The following FANK1 variants were observed in gnomAD, a reference collection of about 807,000 sequenced individuals.
The protein encoded by FANK1 is fibronectin type III and ankyrin repeat domains 1.
A neutral mutation model predicts 45.3 loss-of-function variants in FANK1; 44 were observed. That is an observed-to-expected ratio of 0.97 (90% CI 0.76 to 1.25). FANK1 has a LOEUF of 1.25. Among genes scored for constraint, FANK1 ranks in the 50% most tolerant of loss-of-function variants. FANK1 has a pLI of 0.00. For missense variants in FANK1, 391 were observed against 424.4 expected (o/e 0.92, Z 0.69); for synonymous variants, 149 against 152.5 (o/e 0.98, Z 0.17).
intron 1 of FANK1, among the ~76,000 whole-genome samples, chr10:125,977,922 A>G (rs1950953771): frequency 6.6e-6 from 1 of 152,158 alleles, no homozygotes; most frequent in Non-Finnish European, 1.5e-5. Context: ...CTGCTGAGAT[A>G]GTGGCAGAGA....
chr10:125,979,992 G>GT, intron 1 of FANK1, 169 bp from the exon 2 acceptor site: 1 of 682,602 alleles, frequency 1.5e-6, no homozygotes. Flanking sequence ...GCTGAATTTT[G>GT]TATCTCTTTA....
At chr10:125,921,894 C>T (rs1429753241) in intron 1 of FANK1, among the ~76,000 whole-genome samples, 1 of 152,120 alleles carries the variant, frequency 6.6e-6, no homozygotes, top group Non-Finnish European at 1.5e-5. Flanking sequence ...TTCCACCTTC[C>T]ACCACCCCTG....
At chr10:125,962,767 AT>A (rs1949999763) in intron 1 of FANK1, among the ~76,000 whole-genome samples, 1 of 151,376 alleles carries the variant, frequency 6.6e-6, no homozygotes, top group Non-Finnish European at 1.5e-5. Flanking sequence ...ATTTCTCTTG[AT>A]TTTTTTCTTT....
chr10:125,946,035 G>A (rs1482341084), intron 1 of FANK1, among the ~76,000 whole-genome samples: 5 of 152,074 alleles, frequency 3.3e-5, no homozygotes, highest in Non-Finnish European at 7.4e-5. Context: ...CAACAGACCT[G>A]CAGCTGAGGG....
chr10:125,957,851 C>T (rs556989364), intron 1 of FANK1, among the ~76,000 whole-genome samples: 2 of 152,118 alleles, frequency 1.3e-5, no homozygotes, highest in East Asian at 1.9e-4. Context: ...AAGATAATGT[C>T]ACTAGGTAAA....
chr10:125,946,593 A>G (rs1948818226), intron 1 of FANK1, among the ~76,000 whole-genome samples: 1 of 151,276 alleles, frequency 6.6e-6, no homozygotes, highest in South Asian at 2.1e-4. Context: ...AGCCTCCAAG[A>G]AATATGGGAC....
chr10:125,942,738 T>C (rs12241650), intron 1 of FANK1, among the ~76,000 whole-genome samples: 2,908 of 152,216 alleles, frequency 0.019, 117 homozygotes, highest in African/African-American at 0.066. Context: ...TCTACAAGCT[T>C]ATTTGCTACT....
rs531461532 is a variant in FANK1 at position 125,899,495 on chromosome 10, G to C, written c.13+2840G>C. ...CAAAGTGCTAAGATTACAGGCGTGAGCCAGCACACCCAGCCTGGAAATTCT... is the reference window on the plus strand; with the variant it reads ...CAAAGTGCTAAGATTACAGGCGTGACCCAGCACACCCAGCCTGGAAATTCT... On this transcript the variant is annotated intron_variant, in intron 1 of 10. Coordinates refer to ENST00000368693, the MANE Select transcript of FANK1 (RefSeq NM_145235.5). 4.8e-3 allele frequency among the ~76,000 whole-genome samples: 724 copies of C among 152,386 alleles called. 3 individuals are homozygous for C. Among genetic ancestry groups the C allele is most frequent in the African/African-American group, 0.016 (658 of 41,594 alleles).
intron 1 of FANK1, among the ~76,000 whole-genome samples, chr10:125,925,267 A>T (rs1947266127): frequency 3.9e-5 from 6 of 152,288 alleles, no homozygotes; most frequent in Admixed American, 3.9e-4. Context: ...GGTGCATATG[A>T]TTCAAAAAAT....
chr10:125,915,911 C>G (rs1021269899), intron 1 of FANK1, among the ~76,000 whole-genome samples: 4 of 152,178 alleles, frequency 2.6e-5, no homozygotes, highest in Admixed American at 6.5e-5. Flanking sequence ...TTTCAAACTG[C>G]AGGTTGCTGT....
At chr10:125,968,536 GT>G (rs532153661) in intron 1 of FANK1, among the ~76,000 whole-genome samples, 2 of 151,786 alleles carry the variant, frequency 1.3e-5, no homozygotes, top group South Asian at 2.1e-4. Flanking sequence ...ATTTATATTT[GT>G]TTTTTTTCTT....
intron 1 of FANK1, among the ~76,000 whole-genome samples, chr10:125,959,979 C>T (rs1949818657): frequency 6.6e-6 from 1 of 152,120 alleles, no homozygotes; most frequent in East Asian, 1.9e-4. Flanking sequence ...AAAACCCATA[C>T]TGTTATTATT....
intron 1 of FANK1, among the ~76,000 whole-genome samples, chr10:125,907,183 C>CTTATTGTGATAGGCTTGCTTT (rs1289939044): frequency 1.3e-5 from 2 of 152,154 alleles, no homozygotes; most frequent in Non-Finnish European, 2.9e-5. Flanking sequence ...TCTAAATTGT[C>CTTATTGTGATAGGCTTGCTTT]TTATTGTGAT....
chr10:125,976,503 A>G (rs1161503706), intron 1 of FANK1, among the ~76,000 whole-genome samples: 4 of 151,810 alleles, frequency 2.6e-5, no homozygotes, highest in Non-Finnish European at 5.9e-5. Flanking sequence ...GGTTTTATTC[A>G]TTTTTATTTA....
chr10:125,973,410 C>T, intron 1 of FANK1: 4 of 985,072 alleles, frequency 4.1e-6, no homozygotes, highest in Non-Finnish European at 4.8e-6. Context: ...ACACTGATGT[C>T]GTGATACAAG....
chr10:125,980,314 T>C lies in FANK1; in HGVS notation c.167T>C (p.Met56Thr), dbSNP rs759582868. 3.1e-6 allele frequency: 5 copies of C among 1,614,126 alleles called. No homozygotes were observed. The highest frequency in any genetic ancestry group is 4.2e-6 in the Non-Finnish European group (5 of 1,180,026). The change falls in exon 2 of 11, where the codon ATG becomes ACG. Residue 56 changes from methionine (M) to threonine (T), a missense_variant. By Grantham distance (81) the Met-to-Thr change is moderately conservative (BLOSUM62 -1). Coordinates refer to ENST00000368693, the MANE Select transcript of FANK1 (RefSeq NM_145235.5). ...RFSIEEEDPK[M>T]HTYGIIYTGY... ...TCGATTGAAGAAGAAGACCCCAAAATGCACACTTATGGTATCATTTATACG... is the reference window on the plus strand; with the variant it reads ...TCGATTGAAGAAGAAGACCCCAAAACGCACACTTATGGTATCATTTATACG...
chr10:125,990,989 A>G (rs889230190), intron 3 of FANK1, among the ~76,000 whole-genome samples: 3 of 152,156 alleles, frequency 2.0e-5, no homozygotes, highest in Admixed American at 6.5e-5. Flanking sequence ...CCCCACCCCC[A>G]TGATTCAGTT....
At chr10:125,949,255 T>G (rs199543933) in intron 1 of FANK1, among the ~76,000 whole-genome samples, 44,207 of 143,694 alleles carry the variant, frequency 0.31, 7,308 homozygotes, top group East Asian at 0.43. Context: ...CATAGTGTTG[T>G]AAGTTCTGGC....
chr10:125,946,777 G>A (rs1442465517), intron 1 of FANK1, among the ~76,000 whole-genome samples: 9 of 63,286 alleles, frequency 1.4e-4, no homozygotes, highest in African/African-American at 5.8e-4. Flanking sequence ...GATACTCCTC[G>A]AGAAGAGCAA....
Sources: allele counts gnomAD v4.1 joint callset (sites outside exome capture counted in the v4.1 genomes callset), GRCh38; gene constraint gnomAD v4.1.1; transcripts MANE v1.5; gene names NCBI Gene and HGNC (gene_info 2026-07-23, HGNC 2026-07-21).